Variants in SH3GL2 observed in about 807,000 individuals in gnomAD.
SH3GL2 encodes the protein endophilin-A1.
Under a neutral mutation model 46.0 loss-of-function variants are expected in SH3GL2, and 24 were observed. That is an observed-to-expected ratio of 0.52 (90% CI 0.38 to 0.73). The LOEUF is 0.73. Among genes scored for constraint, SH3GL2 ranks in the 30% least tolerant of loss-of-function variants. The pLI, the probability that SH3GL2 is intolerant of heterozygous loss-of-function variation, is 0.00. For missense variants in SH3GL2, 413 were observed against 424.2 expected, an observed-to-expected ratio of 0.97 and a Z score of 0.23; for synonymous variants, 196 against 147.1, an observed-to-expected ratio of 1.33 and a Z score of -2.40.
At chr9:17,676,931 A>T (rs992355100) in intron 1 of SH3GL2, among the ~76,000 whole-genome samples, 1 of 152,000 alleles carries the variant, frequency 6.6e-6, no homozygotes, top group African/African-American at 2.4e-5. Context: ...TGTCTGCTCT[A>T]TGTGCCAAAT....
rs2209440 is a variant in SH3GL2 at position 17,736,344 on chromosome 9, T to A, written c.46-10722T>A. On this transcript the variant is annotated intron_variant, in intron 1 of 8. Transcript: ENST00000380607. ...CTTTCTGAGTTTTGTGTAGTTATATTTTTGGTCCTAATTTGTCAGTAAACA... is the reference window on the plus strand; with the variant it reads ...CTTTCTGAGTTTTGTGTAGTTATATATTTGGTCCTAATTTGTCAGTAAACA... Among the ~76,000 whole-genome samples the A allele has an allele frequency of 2.0e-5, 3 of 151,788 alleles. No individual in the cohort carries two copies. In the East Asian group the frequency reaches 5.8e-4, roughly 29 times the overall value.
chr9:17,771,420 C>A (rs1462952588), intron 3 of SH3GL2, among the ~76,000 whole-genome samples: 1 of 152,162 alleles, frequency 6.6e-6, no homozygotes, highest in Non-Finnish European at 1.5e-5. Flanking sequence ...CAACCTAGGG[C>A]ATCTCAGATG....
chr9:17,589,515 G>A (rs1213635273), intron 1 of SH3GL2: 1 of 152,140 alleles, frequency 6.6e-6, no homozygotes, highest in Non-Finnish European at 1.5e-5. Context: ...TGGGCTGGTG[G>A]AACAGTGACA....
intron 1 of SH3GL2, among the ~76,000 whole-genome samples, chr9:17,607,993 T>G (rs1196001246): frequency 6.6e-6 from 1 of 152,152 alleles, no homozygotes; most frequent in Non-Finnish European, 1.5e-5. Flanking sequence ...GTGAAGAAAT[T>G]CAAGATTTTC....
intron 3 of SH3GL2, among the ~76,000 whole-genome samples, chr9:17,779,085 T>C (rs2131175905): frequency 6.6e-6 from 1 of 152,154 alleles, no homozygotes; most frequent in East Asian, 1.9e-4. Flanking sequence ...AAGGAGGTGA[T>C]ACAATTGGCC....
intron 1 of SH3GL2, among the ~76,000 whole-genome samples, chr9:17,673,582 G>C (rs1820529716): frequency 6.6e-6 from 1 of 152,052 alleles, no homozygotes; most frequent in Non-Finnish European, 1.5e-5. Context: ...ATGATGCTTT[G>C]TCACCAGCAG....
intron 2 of SH3GL2, among the ~76,000 whole-genome samples, chr9:17,757,488 G>A (rs1285607380): frequency 6.6e-6 from 1 of 152,152 alleles, no homozygotes; most frequent in East Asian, 1.9e-4. Context: ...ATCAAAAAGT[G>A]GGCGAAGGAT....
At position 17,715,441 on chromosome 9, in the gene SH3GL2, C is replaced by T. The variant is rs373285033; in HGVS notation, c.46-31625C>T. Among the ~76,000 whole-genome samples, 119 of 151,920 alleles carry T rather than the reference C, an allele frequency of 7.8e-4. No individual in the cohort carries two copies. The South Asian group carries it at 0.023, about 30-fold the overall frequency. On this transcript the variant is annotated intron_variant, in intron 1 of 8. Coordinates refer to ENST00000380607, the MANE Select transcript of SH3GL2 (RefSeq NM_003026.5). ...CAATTCTTCTCTCCCTCATGAACTT[C>T]ACTTACTCTTCTGTTAACTCACTCG...
At chr9:17,668,309 G>C (rs1387991443) in intron 1 of SH3GL2, among the ~76,000 whole-genome samples, 1 of 152,134 alleles carries the variant, frequency 6.6e-6, no homozygotes, top group African/African-American at 2.4e-5. Flanking sequence ...GTGTGTGGTA[G>C]GTGTCCAGCT....
At chr9:17,676,505 C>T (rs968122276) in intron 1 of SH3GL2, among the ~76,000 whole-genome samples, 15 of 152,260 alleles carry the variant, frequency 9.9e-5, no homozygotes, top group African/African-American at 3.4e-4. Flanking sequence ...ACTCTGGAGG[C>T]TGAGGCAGGA....
chr9:17,788,098 T>C (rs1264574801), intron 5 of SH3GL2, among the ~76,000 whole-genome samples: 1 of 152,190 alleles, frequency 6.6e-6, no homozygotes, highest in East Asian at 1.9e-4. Context: ...GAATGTTTGC[T>C]CACTTTTTTT....
At chr9:17,746,396 A>T (rs1160285460) in intron 1 of SH3GL2, among the ~76,000 whole-genome samples, 3 of 152,126 alleles carry the variant, frequency 2.0e-5, no homozygotes, top group Non-Finnish European at 4.4e-5. Context: ...ATGAACATGA[A>T]TTTTACATGT....
chr9:17,731,521 A>G lies in SH3GL2; in HGVS notation c.46-15545A>G, dbSNP rs139643822. On this transcript the variant is annotated intron_variant, in intron 1 of 8. Transcript: ENST00000380607. Reference sequence around the variant, plus strand: ...CACAGAGGAAGGTTTATGTGAGGACACAGTGAGAAGGCAAAGGCAGCGTCA... The same window carrying G: ...CACAGAGGAAGGTTTATGTGAGGACGCAGTGAGAAGGCAAAGGCAGCGTCA... Among the ~76,000 whole-genome samples the G allele has an allele frequency of 2.5e-3, 381 of 152,178 alleles. 1 individual carries two copies. The highest frequency in any genetic ancestry group is 8.8e-3 in the African/African-American group (364 of 41,552).
At chr9:17,726,528 A>G (rs1822024732) in intron 1 of SH3GL2, among the ~76,000 whole-genome samples, 3 of 152,144 alleles carry the variant, frequency 2.0e-5, no homozygotes, top group Admixed American at 2.0e-4. Flanking sequence ...GACCCAGCAT[A>G]ATCATAGTGA....
At chr9:17,614,449 TCC>T (rs1563782212) in intron 1 of SH3GL2, among the ~76,000 whole-genome samples, 1 of 151,958 alleles carries the variant, frequency 6.6e-6, no homozygotes, top group Non-Finnish European at 1.5e-5. Context: ...ATTTCAGGGA[TCC>T]CTGTGGACTG....
rs569738650 is a variant in SH3GL2 at position 17,704,274 on chromosome 9, G to C, written c.46-42792G>C. ...TCTACAATGAGAATTACAAAACACT[G>C]CTCAAAGAAATCGGAGATAACTCAA... On this transcript the variant is annotated intron_variant, in intron 1 of 8. Transcript: ENST00000380607. Among the ~76,000 whole-genome samples, 4 of 152,084 alleles carry C rather than the reference G, an allele frequency of 2.6e-5. No individual in the cohort carries two copies. The East Asian group carries it at 7.7e-4, about 29-fold the overall frequency.
chr9:17,749,443 C>T (rs1822784014), intron 2 of SH3GL2, among the ~76,000 whole-genome samples: 4 of 152,104 alleles, frequency 2.6e-5, no homozygotes, highest in South Asian at 2.1e-4. Flanking sequence ...CTTTGATGCT[C>T]CTCCTTCCCC....
At chr9:17,713,073 G>GTT (rs1328375768) in intron 1 of SH3GL2, among the ~76,000 whole-genome samples, 1 of 144,178 alleles carries the variant, frequency 6.9e-6, no homozygotes. Flanking sequence ...AGTGTGCTGG[G>GTT]TTTTTTTTTT....
intron 1 of SH3GL2, among the ~76,000 whole-genome samples, chr9:17,629,191 C>T (rs1342449748): frequency 6.6e-6 from 1 of 152,184 alleles, no homozygotes; most frequent in Non-Finnish European, 1.5e-5. Context: ...GGATTAGTCA[C>T]AAGGCCTTTG....
Sources: allele counts gnomAD v4.1 joint callset (sites outside exome capture counted in the v4.1 genomes callset), GRCh38; gene constraint gnomAD v4.1.1; transcripts MANE v1.5; gene names NCBI Gene and HGNC (gene_info 2026-07-23, HGNC 2026-07-21).